CCDC148: variants seen among roughly 807,000 people sequenced by gnomAD.
The protein encoded by CCDC148 is coiled-coil domain containing 148.
CCDC148 carries 89 observed loss-of-function variants against 85.7 expected under a neutral mutation model. The ratio of observed to expected loss-of-function variants is 1.04; its 90% CI spans 0.87 to 1.24. The LOEUF is 1.24. Among genes scored for constraint, CCDC148 ranks in the 50% most tolerant of loss-of-function variants. The pLI is 0.00. For missense variants in CCDC148, 692 were observed against 671.7 expected, an observed-to-expected ratio of 1.03 and a Z score of -0.33; for synonymous variants, 230 against 213.9, an observed-to-expected ratio of 1.08 and a Z score of -0.66.
chr2:158,279,132 T>A (rs181429289), intron 9 of CCDC148, among the ~76,000 whole-genome samples: 1 of 152,068 alleles, frequency 6.6e-6, no homozygotes, highest in Non-Finnish European at 1.5e-5. Flanking sequence ...CATCTGTACA[T>A]CACCATCATC....
At chr2:158,289,807 C>T (rs1690803205) in intron 9 of CCDC148, among the ~76,000 whole-genome samples, 1 of 152,106 alleles carries the variant, frequency 6.6e-6, no homozygotes, top group Admixed American at 6.5e-5. Flanking sequence ...AGAGATAACC[C>T]AAATGTCTAT....
At chr2:158,365,051 A>G (rs1353242875) in intron 1 of CCDC148, among the ~76,000 whole-genome samples, 2 of 152,232 alleles carry the variant, frequency 1.3e-5, no homozygotes, top group Non-Finnish European at 2.9e-5. Flanking sequence ...ACAAACATGA[A>G]AAAATGCTCA....
intron 10 of CCDC148, among the ~76,000 whole-genome samples, chr2:158,229,097 A>T (rs1349135677): frequency 1.3e-5 from 2 of 152,032 alleles, no homozygotes; most frequent in African/African-American, 4.8e-5. Flanking sequence ...CATCTGTCTG[A>T]CTGCCCTTCC....
intron 1 of CCDC148, among the ~76,000 whole-genome samples, chr2:158,369,340 T>A (rs1283354753): frequency 6.6e-6 from 1 of 152,154 alleles, no homozygotes; most frequent in African/African-American, 2.4e-5. Flanking sequence ...CTGTCCTCTC[T>A]TATTTCCTTG....
chr2:158,179,556 T>TA (rs1558960624), intron 11 of CCDC148, among the ~76,000 whole-genome samples: 1 of 152,084 alleles, frequency 6.6e-6, no homozygotes, highest in East Asian at 1.9e-4. Flanking sequence ...CTGGCTGCCA[T>TA]GGCTCTGGCT....
At chr2:158,320,851 T>G (rs1440888133) in intron 7 of CCDC148, among the ~76,000 whole-genome samples, 1 of 152,176 alleles carries the variant, frequency 6.6e-6, no homozygotes, top group Non-Finnish European at 1.5e-5. Flanking sequence ...CACCATTACA[T>G]TGTGCAGTCA....
chr2:158,303,576 TC>T (rs1312629983), intron 9 of CCDC148, among the ~76,000 whole-genome samples: 7 of 152,198 alleles, frequency 4.6e-5, no homozygotes, highest in Non-Finnish European at 1.0e-4. Context: ...ATCATTCTGA[TC>T]CCAGCTATAA....
At chr2:158,220,965 A>C (rs530189093) in intron 10 of CCDC148, among the ~76,000 whole-genome samples, 30 of 152,222 alleles carry the variant, frequency 2.0e-4, no homozygotes, top group Non-Finnish European at 3.4e-4. Flanking sequence ...GTGCTGACCT[A>C]AGGTTTTAAT....
chr2:158,399,073 C>T (rs1361563079), intron 1 of CCDC148, among the ~76,000 whole-genome samples: 1 of 152,072 alleles, frequency 6.6e-6, no homozygotes, highest in Non-Finnish European at 1.5e-5. Flanking sequence ...AAGACTAAAC[C>T]TGGAAGAAGT....
intron 11 of CCDC148, among the ~76,000 whole-genome samples, chr2:158,184,731 G>T (rs1262487702): frequency 1.3e-5 from 2 of 152,098 alleles, no homozygotes; most frequent in Non-Finnish European, 2.9e-5. Flanking sequence ...TCCACTAGAT[G>T]ATTCTAATGA....
intron 2 of CCDC148, among the ~76,000 whole-genome samples, chr2:158,352,034 A>G (rs1274715596): frequency 3.5e-5 from 5 of 141,000 alleles, no homozygotes; most frequent in Non-Finnish European, 6.1e-5. Flanking sequence ...TAGAAGGAAA[A>G]CTAACAAACA....
At chr2:158,369,483 T>G (rs193297624) in intron 1 of CCDC148, among the ~76,000 whole-genome samples, 1 of 152,188 alleles carries the variant, frequency 6.6e-6, no homozygotes, top group East Asian at 1.9e-4. Context: ...TGTCTATTGT[T>G]GGTGTATAGG....
At chr2:158,250,591 T>C (rs976293759) in intron 10 of CCDC148, among the ~76,000 whole-genome samples, 181 bp downstream of exon 10, 1 of 151,140 alleles carries the variant, frequency 6.6e-6, no homozygotes, top group African/African-American at 2.4e-5. Flanking sequence ...TGGGTTCTCC[T>C]CCATGTCAAC....
At chr2:158,191,529 A>G (rs905348969) in intron 11 of CCDC148, among the ~76,000 whole-genome samples, 1 of 151,914 alleles carries the variant, frequency 6.6e-6, no homozygotes, top group Non-Finnish European at 1.5e-5. Context: ...AACCCTTCTA[A>G]TCCCCCCAAG....
chr2:158,358,458 T>G lies in CCDC148; in HGVS notation c.138A>C (p.Ala46=). 1 of 1,606,182 alleles carries G rather than the reference T, an allele frequency of 6.2e-7. No homozygotes were observed. Among genetic ancestry groups the G allele is most frequent in the South Asian group, 1.1e-5 (1 of 89,730 alleles). The change falls in exon 2 of 14, where the codon GCA becomes GCC. Residue 46 remains alanine (A), a synonymous_variant. Coordinates refer to ENST00000283233, the MANE Select transcript of CCDC148 (RefSeq NM_138803.4). Reference sequence around the variant, plus strand: ...ACACACAACTTCTAACCTTTAGCTTTGCAGAGGCAGAAGCCAATTTCTTTG... The same window carrying G: ...ACACACAACTTCTAACCTTTAGCTTGGCAGAGGCAGAAGCCAATTTCTTTG... ...TEAKKLASAS[A]KLKIRKAMLT...
At chr2:158,354,898 T>C (rs1004742707) in intron 2 of CCDC148, among the ~76,000 whole-genome samples, 1 of 151,724 alleles carries the variant, frequency 6.6e-6, no homozygotes, top group African/African-American at 2.4e-5. Context: ...GTGGGCATCA[T>C]CCCTGGGATG....
intron 2 of CCDC148, among the ~76,000 whole-genome samples, chr2:158,355,418 A>T (rs1265506894): frequency 2.0e-5 from 3 of 152,236 alleles, no homozygotes; most frequent in Admixed American, 1.3e-4. Flanking sequence ...AATCAGAAGC[A>T]TTCTTATATA....
intron 9 of CCDC148, among the ~76,000 whole-genome samples, chr2:158,291,889 C>T (rs1690910932): frequency 6.6e-6 from 1 of 152,226 alleles, no homozygotes; most frequent in African/African-American, 2.4e-5. Context: ...ATATTACTAA[C>T]AAGCAACTTG....
intron 1 of CCDC148, among the ~76,000 whole-genome samples, chr2:158,420,494 A>C (rs1232373525): frequency 3.3e-5 from 5 of 152,196 alleles, no homozygotes; most frequent in Non-Finnish European, 7.3e-5. Flanking sequence ...ACTAAACTTC[A>C]TAAATGAAGG....
Sources: gnomAD v4.1 joint callset for allele counts (sites outside exome capture counted in the v4.1 genomes callset) on GRCh38, gnomAD v4.1.1 for gene constraint, MANE v1.5 for transcripts, NCBI Gene and HGNC (gene_info 2026-07-23, HGNC 2026-07-21) for gene names.